The following DHX58 variants were observed in gnomAD, a reference collection of about 807,000 sequenced individuals.
DHX58 encodes the protein DExH-box helicase 58.
A neutral mutation model predicts 65.0 loss-of-function variants in DHX58; 51 were observed. The observed-to-expected ratio is 0.78, with a 90% CI of 0.63 to 0.99. The LOEUF (loss-of-function observed/expected upper bound fraction) is 0.99. Ranked by LOEUF, DHX58 falls within the 50% of genes least tolerant of loss-of-function variation. The pLI is 0.00. For missense variants in DHX58, 773 were observed against 891.8 expected, an observed-to-expected ratio of 0.87 and a Z score of 1.70; for synonymous variants, 350 against 365.0, an observed-to-expected ratio of 0.96 and a Z score of 0.47.
intron 4 of DHX58, 85 bp downstream of exon 4, chr17:42,111,211 C>G: frequency 6.6e-7 from 1 of 1,519,946 alleles, no homozygotes; most frequent in East Asian, 2.3e-5. Context: ...AAACTCCCAA[C>G]ACCTTGACTC....
At chr17:42,106,381 G>A (rs1341839991) in intron 8 of DHX58, among the ~76,000 whole-genome samples, 2 of 147,824 alleles carry the variant, frequency 1.4e-5, no homozygotes, top group African/African-American at 2.5e-5. Flanking sequence ...GGAGTGGGGA[G>A]GGCACTGGCG....
chr17:42,107,911 TCCGCCCCGGCAGGCC>T lies in DHX58; in HGVS notation c.805+56_805+70del, dbSNP rs1430295119. ...GTGGATAGGCCCCGCCCCAAAGGCC[TCCGCCCCGGCAGGCC>T]CCGCCCCTGACCACTCCCACATCCT... On this transcript the variant is annotated intron_variant, in intron 7 of 13. Transcript: ENST00000251642. 5 of 1,578,398 alleles carry T rather than the reference TCCGCCCCGGCAGGCC, an allele frequency of 3.2e-6. No homozygotes were observed. The East Asian group carries it at 1.1e-4, about 36-fold the overall frequency.
intron 2 of DHX58, 66 bp from the exon 3 acceptor site, chr17:42,111,959 T>G (rs1359454805): frequency 1.3e-6 from 2 of 1,550,760 alleles, no homozygotes; most frequent in Non-Finnish European, 1.7e-6. Context: ...GCCAGACCAG[T>G]CAGTACAGAG....
At chr17:42,110,236 C>T (rs1256222724) in intron 5 of DHX58, among the ~76,000 whole-genome samples, 1 of 149,260 alleles carries the variant, frequency 6.7e-6, no homozygotes, top group Non-Finnish European at 1.5e-5. Flanking sequence ...AGCGCATTAA[C>T]AAGCTCTGAA....
In DHX58 at chr17:42,110,903, C is replaced by G; in HGVS notation, c.381G>C (p.Leu127=). 6.2e-7 allele frequency: 1 copy of G among 1,608,446 alleles called. No individual in the cohort carries two copies. The highest frequency in any genetic ancestry group is 8.5e-7 in the Non-Finnish European group (1 of 1,176,980). The change falls in exon 5 of 14, where the codon CTG becomes CTC. Residue 127 remains leucine, a synonymous_variant. Coordinates refer to ENST00000251642, the MANE Select transcript of DHX58 (RefSeq NM_024119.3). ...TGTGGTGGCACTCATCCACCACGAT[C>G]AGGGAGAAGACTGAGGGCACAGGGG... ...EEHVELTVFS[L]IVVDECHHTH... is the part of the protein sequence containing the mutation.
chr17:42,106,026 C>T, intron 8 of DHX58, 37 bp from the exon 9 acceptor site: 2 of 1,589,106 alleles, frequency 1.3e-6, no homozygotes, highest in Non-Finnish European at 1.7e-6. Flanking sequence ...GGTGTAGTGG[C>T]ACATGTCTGT....
rs1568003218 is a variant in DHX58, at chr17:42,105,781, T to C, written c.1206A>G (p.Leu402=). 1.9e-6 allele frequency: 3 copies of C among 1,609,608 alleles called. No homozygotes were observed. The highest frequency in any genetic ancestry group is 2.2e-5 in the East Asian group (1 of 44,808). Residue 402 remains leucine (L), a synonymous_variant, in exon 9 of 14, where the codon CTA becomes CTG. Coordinates refer to ENST00000251642, the MANE Select transcript of DHX58 (RefSeq NM_024119.3). ...GGCTGCTGTTCCCAGCCCCAATCAG[T>C]AGCTGGGCCCGGATGTCCACAGTCT... ...GLQTVDIRAQ[L]LIGAGNSSQS... is the part of the protein sequence containing the mutation.
At position 42,111,882 on chromosome 17, in the gene DHX58, C is replaced by T. The variant is rs1555664435; in HGVS notation, c.11G>A (p.Arg4Gln). The T allele has an allele frequency of 1.1e-5, 18 of 1,608,642 alleles. No homozygotes were observed. Among genetic ancestry groups the T allele is most frequent in the African/African-American group, 4.0e-5 (3 of 74,918 alleles). Reference sequence around the variant, plus strand: ...CATGATCACCTCCCATTGGTAGGACCGAAGCTCCATTCTGGGAATGGCAGG... The same window carrying T: ...CATGATCACCTCCCATTGGTAGGACTGAAGCTCCATTCTGGGAATGGCAGG... MEL[R>Q]SYQWEVIMPA... The change falls in exon 3 of 14, where the codon CGG (arginine) becomes CAG (glutamine). Residue 4 changes from arginine (R) to glutamine (Q), a missense_variant. Coordinates refer to ENST00000251642, the MANE Select transcript of DHX58 (RefSeq NM_024119.3).
rs781840269 is a variant in DHX58 at position 42,111,812 on chromosome 17, A to G, written c.81T>C (p.Gly27=). Residue 27 remains glycine, a synonymous_variant, in exon 3 of 14, where the codon GGT becomes GGC. Transcript: ENST00000251642. ...AAGCAGCCGCCCGGGTCTTCCCGGC[A>G]CCCGTGGGCAGCCAGATGATGATAT... The part of the protein sequence containing the change: ...GKNIIIWLPT[G]AGKTRAAAYV... 1 of 1,614,040 alleles carries G rather than the reference A, an allele frequency of 6.2e-7. No individual in the cohort carries two copies. Among genetic ancestry groups the G allele is most frequent in the East Asian group, 2.2e-5 (1 of 44,884 alleles).
chr17:42,108,923 AC>A (rs1555663459), intron 6 of DHX58, among the ~76,000 whole-genome samples: 1 of 152,218 alleles, frequency 6.6e-6, no homozygotes. Flanking sequence ...TGGACCTGAC[AC>A]CTAGTCCTTG....
At chr17:42,102,373 C>G (rs1555661720) in intron 12 of DHX58, 61 bp from the exon 13 acceptor site, 2 of 1,461,824 alleles carry the variant, frequency 1.4e-6, no homozygotes, top group South Asian at 1.1e-5. Flanking sequence ...GGATCTCATG[C>G]CCTCCTGCCG....
At position 42,111,254 on chromosome 17, in the gene DHX58, A is replaced by AC. The variant is rs550547948; in HGVS notation, c.370+41dup. ...TGCCCTGGGGTTGGCGAAAGGAGGT[A>AC]CCCCAGATGCGTATCTTTTTCCTCC... On this transcript the variant is annotated intron_variant, in intron 4 of 13. Coordinates refer to ENST00000251642, the MANE Select transcript of DHX58 (RefSeq NM_024119.3). 773 of 1,589,720 alleles carry AC rather than the reference A, an allele frequency of 4.9e-4. 7 individuals carry two copies. In the South Asian group the frequency reaches 8.2e-3, roughly 17 times the overall value.
intron 5 of DHX58, 76 bp downstream of exon 5, chr17:42,110,647 A>G: frequency 6.8e-7 from 1 of 1,477,608 alleles, no homozygotes. Flanking sequence ...GGGACGGGGT[A>G]GTGGCAGGGC....
chr17:42,110,599 G>T, intron 5 of DHX58, 124 bp downstream of exon 5: 1 of 1,102,306 alleles, frequency 9.1e-7, no homozygotes, highest in Non-Finnish European at 1.3e-6. Flanking sequence ...GTGAGGAAGG[G>T]GCCAGACCCT....
rs2053977023 is a variant in DHX58, at chr17:42,101,484, A to G, written c.*277T>C. The G allele has an allele frequency of 3.1e-6, 1 of 327,664 alleles. No individual in the cohort carries two copies. The highest frequency in any genetic ancestry group is 1.2e-4 in the South Asian group (1 of 8,336). The allele number at this position is 327,664 out of a possible 1,614,324, so 20.3% of individuals were successfully genotyped here. ...GCCTTGGTAGGGAAGGAATGTCGTG[A>G]TTCTGAGTACAGTATGGCAAATTCT... is the stretch of plus-strand genomic sequence containing the variant. On this transcript the variant is annotated 3_prime_UTR_variant, in exon 14 of 14. Transcript: ENST00000251642.
At chr17:42,108,964 G>A (rs1328385771) in intron 6 of DHX58, among the ~76,000 whole-genome samples, 4 of 152,244 alleles carry the variant, frequency 2.6e-5, no homozygotes, top group South Asian at 2.1e-4. Context: ...ACACGAGGCC[G>A]TGTCCACACT....
At chr17:42,111,251 G>A (rs2144014237) in intron 4 of DHX58, 45 bp downstream of exon 4, 1 of 1,588,002 alleles carries the variant, frequency 6.3e-7, no homozygotes, top group East Asian at 2.3e-5. Context: ...GGCGAAAGGA[G>A]GTACCCCAGA....
Position 42,106,128 on chromosome 17 carries a change from C to T in DHX58, c.998-139G>A, listed in dbSNP as rs1272402695. On this transcript the variant is annotated intron_variant, in intron 8 of 13. Coordinates refer to ENST00000251642, the MANE Select transcript of DHX58 (RefSeq NM_024119.3). ...GAGCTATGATTGCACCACTGCACTCCAGGCTGTGTAACAGAGTGAGACTCT... is the reference window on the plus strand; with the variant it reads ...GAGCTATGATTGCACCACTGCACTCTAGGCTGTGTAACAGAGTGAGACTCT... The T allele has an allele frequency of 1.5e-5, 12 of 793,614 alleles. No individual in the cohort carries two copies. In the African/African-American group the frequency reaches 2.0e-4, roughly 13 times the overall value. 49.2% of individuals were successfully genotyped at this position (793,614 alleles called of 1,614,324 possible).
At chr17:42,110,150 G>A (rs1170463225) in intron 5 of DHX58, among the ~76,000 whole-genome samples, 2 of 146,810 alleles carry the variant, frequency 1.4e-5, no homozygotes, top group East Asian at 2.0e-4. Flanking sequence ...TCATGCCACT[G>A]CCCTCCAGCC....
Sources: gnomAD v4.1 joint callset for allele counts (sites outside exome capture counted in the v4.1 genomes callset) on GRCh38, gnomAD v4.1.1 for gene constraint, MANE v1.5 for transcripts, NCBI Gene and HGNC (gene_info 2026-07-23, HGNC 2026-07-21) for gene names.